Variants in MTMR3 observed in about 807,000 individuals in gnomAD.
The protein encoded by MTMR3 is phosphatidylinositol-3,5-bisphosphate 3-phosphatase MTMR3.
In MTMR3, 32 loss-of-function variants were observed where a neutral mutation model predicts 132.4. That is an observed-to-expected ratio of 0.24 (90% CI 0.18 to 0.32). MTMR3 has a LOEUF of 0.32. Ranked by LOEUF, MTMR3 falls within the 10% of genes least tolerant of loss-of-function variation. MTMR3 has a pLI of 1.00. For missense variants in MTMR3, 1,216 were observed against 1,489.6 expected (o/e 0.82, Z 3.02); for synonymous variants, 556 against 550.3 (o/e 1.01, Z -0.14).
chr22:29,966,438 T>A (rs1294617838), intron 2 of MTMR3, among the ~76,000 whole-genome samples: 1 of 152,178 alleles, frequency 6.6e-6, no homozygotes, highest in Non-Finnish European at 1.5e-5. Flanking sequence ...TCTATGTCGG[T>A]CTTTTGTCTT....
intron 19 of MTMR3, chr22:30,023,403 G>A: frequency 6.2e-7 from 1 of 1,602,774 alleles, no homozygotes; most frequent in Non-Finnish European, 8.5e-7. Context: ...TGCACCCCAA[G>A]CCCAGATATC....
chr22:29,980,050 T>A (rs976771530), intron 5 of MTMR3: 2 of 152,192 alleles, frequency 1.3e-5, no homozygotes, highest in African/African-American at 2.4e-5. Flanking sequence ...GCCAGTGTTG[T>A]GGCTTTCTAC....
chr22:29,904,746 A>T (rs1455399313), intron 1 of MTMR3, among the ~76,000 whole-genome samples: 1 of 152,204 alleles, frequency 6.6e-6, no homozygotes, highest in Non-Finnish European at 1.5e-5. Context: ...ATATTCAAAG[A>T]TGATAGAATA....
At chr22:29,978,378 C>A in intron 3 of MTMR3, 64 bp from the exon 4 acceptor site, 1 of 1,323,534 alleles carries the variant, frequency 7.6e-7, no homozygotes, top group Non-Finnish European at 1.1e-6. Flanking sequence ...GCAGATATGG[C>A]AGAAAAACCA....
chr22:30,022,797 GTC>G (rs2067798333), intron 19 of MTMR3, 100 bp downstream of exon 19: 1 of 1,063,598 alleles, frequency 9.4e-7, no homozygotes, highest in African/African-American at 1.6e-5. Flanking sequence ...TCAGTGTTCT[GTC>G]TGAGGCAGAG....
intron 3 of MTMR3, among the ~76,000 whole-genome samples, chr22:29,973,114 T>A (rs2071027088): frequency 6.6e-6 from 1 of 152,250 alleles, no homozygotes; most frequent in Non-Finnish European, 1.5e-5. Context: ...ATCCTTAGTT[T>A]TTGTGTAGAC....
chr22:29,891,442 T>C (rs2064799337), intron 1 of MTMR3, among the ~76,000 whole-genome samples: 1 of 151,224 alleles, frequency 6.6e-6, no homozygotes, highest in Non-Finnish European at 1.5e-5. Context: ...AATATGTATA[T>C]ATTTTTTAGA....
intron 6 of MTMR3, chr22:29,989,594 T>C (rs977978515): frequency 6.6e-6 from 1 of 152,208 alleles, no homozygotes; most frequent in Admixed American, 6.5e-5. Context: ...TACAATCTTT[T>C]GTTTTAATGG....
intron 14 of MTMR3, 159 bp downstream of exon 14, chr22:30,013,700 T>C: frequency 1.4e-6 from 1 of 730,330 alleles, no homozygotes. Context: ...AATTTTGCTA[T>C]TTTCAAAAAG....
intron 1 of MTMR3, among the ~76,000 whole-genome samples, chr22:29,949,550 A>C (rs1338989608): frequency 6.7e-6 from 1 of 149,220 alleles, no homozygotes; most frequent in Non-Finnish European, 1.5e-5. Context: ...ACCCACAAAA[A>C]ACACACACAT....
intron 1 of MTMR3, among the ~76,000 whole-genome samples, chr22:29,940,427 G>C (rs1471573506): frequency 7.1e-6 from 1 of 141,650 alleles, no homozygotes; most frequent in Non-Finnish European, 1.5e-5. Flanking sequence ...ATCTTTTCTT[G>C]GACTCAGCCC....
rs192498350 is a variant in MTMR3, at chr22:29,971,929, T to C, written c.3+867T>C. On this transcript the variant is annotated intron_variant, in intron 3 of 19. Coordinates refer to ENST00000401950, the MANE Select transcript of MTMR3 (RefSeq NM_021090.4). The stretch of plus-strand genomic sequence containing the variant: ...TTTATGCTGATGCACAGAGAAGGAA[T>C]TGAAAAGGCTACATTAATTTCAAGC... Among the ~76,000 whole-genome samples, 267 of 152,324 alleles carry C rather than the reference T, an allele frequency of 1.8e-3. 1 individual carries two copies. Among genetic ancestry groups the C allele is most frequent in the African/African-American group, 6.2e-3 (259 of 41,576 alleles).
At chr22:29,985,996 G>C (rs1015735754) in intron 5 of MTMR3, 5 of 152,196 alleles carry the variant, frequency 3.3e-5, no homozygotes, top group Non-Finnish European at 7.3e-5. Flanking sequence ...TCCCCCAGCA[G>C]CTGCTAAGAG....
chr22:29,948,924 C>G (rs886592333), intron 1 of MTMR3, among the ~76,000 whole-genome samples: 5 of 151,460 alleles, frequency 3.3e-5, no homozygotes, highest in African/African-American at 1.2e-4. Flanking sequence ...GACCACATCT[C>G]TACAAAAAAC....
At chr22:29,988,744 A>AT in intron 6 of MTMR3, 182 bp downstream of exon 6, 3 of 356,346 alleles carry the variant, frequency 8.4e-6, no homozygotes, top group Non-Finnish European at 1.5e-5. Context: ...ATGTTGAAAG[A>AT]TGTTTTTTTT....
At chr22:30,002,166 T>A (rs2067188825) in intron 8 of MTMR3, 1 of 152,208 alleles carries the variant, frequency 6.6e-6, no homozygotes, top group African/African-American at 2.4e-5. Flanking sequence ...CTTCCCTAAT[T>A]AAAAGAAAGC....
intron 6 of MTMR3, 140 bp from the exon 7 acceptor site, chr22:29,991,364 G>T: frequency 1.4e-6 from 1 of 723,380 alleles, no homozygotes; most frequent in East Asian, 3.0e-5. Context: ...ATGAGCATGC[G>T]AATGACTGAC....
intron 1 of MTMR3, among the ~76,000 whole-genome samples, chr22:29,940,983 G>A (rs1326041115): frequency 6.7e-6 from 1 of 149,968 alleles, no homozygotes; most frequent in Non-Finnish European, 1.5e-5. Context: ...CTTTTCTAGA[G>A]ACACTGCACC....
At position 30,007,318 on chromosome 22, in the gene MTMR3, C is replaced by T. The variant is rs146523702; in HGVS notation, c.876C>T (p.Phe292=). ...GGGGAGACCTTTCTGACGTGGAGTT[C>T]GGTAAGGTGCTCCCTGGACCCATGG... The part of the protein sequence containing the change: ...PNGGDLSDVE[F]DSSLSNASGA... The change falls in exon 10 of 20, where the codon TTC becomes TTT. Residue 292 remains phenylalanine (F), a splice_region_variant and synonymous_variant. Coordinates refer to ENST00000401950, the MANE Select transcript of MTMR3 (RefSeq NM_021090.4). 885 of 1,613,910 alleles carry T rather than the reference C, an allele frequency of 5.5e-4. 10 individuals are homozygous for T. In the African/African-American group the frequency reaches 9.7e-3, roughly 18 times the overall value.
Sources: allele counts gnomAD v4.1 joint callset (sites outside exome capture counted in the v4.1 genomes callset), GRCh38; gene constraint gnomAD v4.1.1; transcripts MANE v1.5; gene names NCBI Gene and HGNC (gene_info 2026-07-23, HGNC 2026-07-21).